AADAT: variants seen among roughly 807,000 people sequenced by gnomAD.
The protein encoded by AADAT is aminoadipate aminotransferase.
A neutral mutation model predicts 56.2 loss-of-function variants in AADAT; 25 were observed. The ratio of observed to expected loss-of-function variants is 0.44; its 90% CI spans 0.32 to 0.62. The LOEUF is 0.62. Ranked by LOEUF, AADAT falls within the 20% of genes least tolerant of loss-of-function variation. The probability of loss-of-function intolerance (pLI) is 0.04; values close to 1 mark genes in which losing one functional copy is unlikely to be tolerated. For missense variants in AADAT, 387 were observed against 510.5 expected (o/e 0.76, Z 2.33); for synonymous variants, 173 against 164.7 (o/e 1.05, Z -0.39).
intron 3 of AADAT, among the ~76,000 whole-genome samples, chr4:170,082,101 A>G (rs1118262): frequency 0.033 from 5,029 of 152,310 alleles, 281 homozygotes; most frequent in African/African-American, 0.11. Context: ...AATTAAGTAC[A>G]TGGACAAACC....
At chr4:170,081,230 G>A (rs1732288401) in intron 3 of AADAT, among the ~76,000 whole-genome samples, 1 of 152,050 alleles carries the variant, frequency 6.6e-6, no homozygotes, top group South Asian at 2.1e-4. Context: ...GGAAAAATAG[G>A]TAAGCTTGAA....
intron 5 of AADAT, 104 bp downstream of exon 5, chr4:170,073,032 C>A: frequency 9.1e-7 from 1 of 1,094,152 alleles, no homozygotes; most frequent in East Asian, 2.4e-5. Context: ...AATTATATTC[C>A]TTGAAAGCAA....
intron 3 of AADAT, among the ~76,000 whole-genome samples, chr4:170,079,359 T>C (rs945835942): frequency 6.6e-6 from 1 of 152,144 alleles, no homozygotes; most frequent in African/African-American, 2.4e-5. Context: ...CATGTAGGCA[T>C]TTGAGCCAAG....
intron 3 of AADAT, among the ~76,000 whole-genome samples, chr4:170,084,803 A>G (rs1372837112): frequency 6.6e-6 from 1 of 152,180 alleles, no homozygotes; most frequent in Non-Finnish European, 1.5e-5. Context: ...TAAGCTTTAC[A>G]AGACATCCTA....
intron 3 of AADAT, among the ~76,000 whole-genome samples, chr4:170,082,570 A>G (rs1366072576): frequency 6.6e-6 from 1 of 152,212 alleles, no homozygotes. Context: ...GCCAGTAGTA[A>G]GTTCTAACTT....
chr4:170,065,129 T>C (rs75900812), intron 10 of AADAT, among the ~76,000 whole-genome samples: 9,235 of 152,240 alleles, frequency 0.061, 379 homozygotes, highest in Non-Finnish European at 0.092. Context: ...CCCACTCCTC[T>C]CTCCTTCACT....
chr4:170,081,612 C>T lies in AADAT; in HGVS notation c.370-3029G>A, dbSNP rs530072370. 5.9e-5 allele frequency among the ~76,000 whole-genome samples: 9 copies of T among 152,252 alleles called. No homozygotes were observed. The East Asian group carries it at 1.7e-3, about 29-fold the overall frequency. On this transcript the variant is annotated intron_variant, in intron 3 of 12. Transcript: ENST00000337664. Reference sequence around the variant, plus strand: ...GAGCTCTAATTTGTCTGGCAACAGACATCTCAATGGAACTGTACAGGTCAG... The same window carrying T: ...GAGCTCTAATTTGTCTGGCAACAGATATCTCAATGGAACTGTACAGGTCAG...
chr4:170,081,250 C>T (rs77489187), intron 3 of AADAT, among the ~76,000 whole-genome samples: 9,700 of 151,980 alleles, frequency 0.064, 436 homozygotes, highest in Non-Finnish European at 0.099. Flanking sequence ...AGATTGGCTA[C>T]GTGAAAATAC....
intron 5 of AADAT, 22 bp from the exon 6 acceptor site, chr4:170,070,674 GT>G (rs1423723122): frequency 7.7e-6 from 11 of 1,433,178 alleles, no homozygotes; most frequent in Non-Finnish European, 1.1e-5. Context: ...TGAAGTAATT[GT>G]TTATTTCTTA....
chr4:170,073,481 C>G (rs1341752953), intron 4 of AADAT, 136 bp from the exon 5 acceptor site: 1 of 718,846 alleles, frequency 1.4e-6, no homozygotes, highest in East Asian at 2.7e-5. Flanking sequence ...CAGCTCTGAG[C>G]TCCTGAGGGT....
chr4:170,068,490 T>C (rs2111157933), intron 8 of AADAT, 101 bp downstream of exon 8: 1 of 793,826 alleles, frequency 1.3e-6, no homozygotes, highest in Non-Finnish European at 2.0e-6. Flanking sequence ...AAACTATGAG[T>C]CACTAAACAG....
At chr4:170,081,783 T>G (rs1045874363) in intron 3 of AADAT, among the ~76,000 whole-genome samples, 1 of 152,152 alleles carries the variant, frequency 6.6e-6, no homozygotes. Context: ...CAAGCAATCT[T>G]CCCATCTCAG....
intron 1 of AADAT, chr4:170,089,295 G>A: frequency 1.9e-6 from 1 of 537,022 alleles, no homozygotes. Context: ...TCTGCACGCT[G>A]TGCATGCCCC....
chr4:170,063,993 C>G (rs1287878304), intron 11 of AADAT, among the ~76,000 whole-genome samples: 1 of 150,950 alleles, frequency 6.6e-6, no homozygotes, highest in African/African-American at 2.4e-5. Flanking sequence ...ATTCTATGAG[C>G]TAATTTTAAG....
At chr4:170,081,548 G>A (rs1334172228) in intron 3 of AADAT, among the ~76,000 whole-genome samples, 1 of 152,132 alleles carries the variant, frequency 6.6e-6, no homozygotes, top group African/African-American at 2.4e-5. Context: ...GAGAAGATAT[G>A]AGAAGCAACA....
rs553046908 is a variant in AADAT, at chr4:170,088,653, A to G, written c.68-89T>C. The stretch of plus-strand genomic sequence containing the variant: ...CATGCATTATAGTCAATAAAACTAT[A>G]AAGTTTAACGATTTCTAGTGATAGA... On this transcript the variant is annotated intron_variant, in intron 1 of 12. Coordinates refer to ENST00000337664, the MANE Select transcript of AADAT (RefSeq NM_016228.4). 27 of 1,352,402 alleles carry G rather than the reference A, an allele frequency of 2.0e-5. No individual in the cohort carries two copies. In the East Asian group the frequency reaches 3.5e-4, roughly 18 times the overall value. 83.8% of individuals were successfully genotyped at this position (1,352,402 alleles called of 1,614,324 possible).
chr4:170,073,403 GT>G (rs5864015), intron 4 of AADAT, 58 bp from the exon 5 acceptor site: 490,614 of 1,157,008 alleles, frequency 0.42, 64,030 homozygotes, highest in East Asian at 0.75. Context: ...AGTGCTATTG[GT>G]TTTTTTTTTT....
chr4:170,064,986 C>A (rs1221713797), intron 10 of AADAT, among the ~76,000 whole-genome samples, 161 bp from the exon 11 acceptor site: 1 of 148,296 alleles, frequency 6.7e-6, no homozygotes, highest in African/African-American at 2.5e-5. Flanking sequence ...TGTGAGCCTT[C>A]AAAATTGATG....
intron 5 of AADAT, among the ~76,000 whole-genome samples, chr4:170,071,247 A>G (rs961240552): frequency 1.3e-5 from 2 of 152,164 alleles, no homozygotes; most frequent in Non-Finnish European, 2.9e-5. Context: ...GCAGAGCATT[A>G]CAACAGGTGA....
Sources: gnomAD v4.1 joint callset for allele counts (sites outside exome capture counted in the v4.1 genomes callset) on GRCh38, gnomAD v4.1.1 for gene constraint, MANE v1.5 for transcripts, NCBI Gene and HGNC (gene_info 2026-07-23, HGNC 2026-07-21) for gene names.